The following PLOD2 variants were observed in gnomAD, a reference collection of about 807,000 sequenced individuals.
The protein encoded by PLOD2 is lysine hydroxylase 2.
In PLOD2, 65 loss-of-function variants were observed where a neutral mutation model predicts 101.0. That is an observed-to-expected ratio of 0.64 (90% confidence interval 0.53 to 0.79). The LOEUF is 0.79. PLOD2 is among the 30% of genes least tolerant of loss of function. The pLI is 0.00. For synonymous variants in PLOD2, 314 were observed against 302.9 expected (o/e 1.04, Z -0.38); for missense variants, 909 against 914.6 (o/e 0.99, Z 0.08).
intron 1 of PLOD2, among the ~76,000 whole-genome samples, chr3:146,156,250 G>T (rs1218543513): frequency 6.6e-6 from 1 of 152,160 alleles, no homozygotes; most frequent in Non-Finnish European, 1.5e-5. Context: ...CCTTCCCACA[G>T]AGCAGCAGAT....
intron 1 of PLOD2, among the ~76,000 whole-genome samples, chr3:146,155,317 C>T (rs950286212): frequency 1.8e-4 from 25 of 138,482 alleles, no homozygotes; most frequent in Non-Finnish European, 2.9e-4. Flanking sequence ...GAGTGAGACC[C>T]TGTCTATAAA....
intron 11 of PLOD2, among the ~76,000 whole-genome samples, chr3:146,083,742 C>T (rs139816619): frequency 0.024 from 3,648 of 151,838 alleles, 147 homozygotes; most frequent in African/African-American, 0.083. Context: ...CTACCACGCC[C>T]GGCTAATTTT....
chr3:146,152,977 G>A (rs1295643367), intron 1 of PLOD2, among the ~76,000 whole-genome samples: 2 of 152,158 alleles, frequency 1.3e-5, no homozygotes, highest in African/African-American at 2.4e-5. Context: ...AAGGAGGATT[G>A]TCCTTCTCTA....
rs2031984540 is a variant in PLOD2 at position 146,150,039 on chromosome 3, G to A, written c.109+10842C>T. 3.3e-5 allele frequency among the ~76,000 whole-genome samples: 5 copies of A among 152,170 alleles called. No homozygotes were observed. The South Asian group carries it at 1.0e-3, about 32-fold the overall frequency. On this transcript the variant is annotated intron_variant, in intron 1 of 19. Transcript: ENST00000282903. ...AGATGCAAACACATGTAGAACAAAT[G>A]CTGCTGTGACAATGACCTAGCAAGA...
In PLOD2 at chr3:146,085,276, A is replaced by T; in HGVS notation, c.1128-3T>A. On this transcript the variant is annotated splice_region_variant and splice_polypyrimidine_tract_variant and intron_variant, in intron 10 of 19. Transcript: ENST00000282903. ...TTTCATCCTGACGGCAAAAGTCCCT[A>T]ACAGTGAAAAAGAAAATGAAATGGG... is the stretch of plus-strand genomic sequence containing the variant. 6.8e-7 allele frequency: 1 copy of T among 1,476,804 alleles called. No individual in the cohort carries two copies. The highest frequency in any genetic ancestry group is 1.4e-5 in the African/African-American group (1 of 72,200). The allele number at this position is 1,476,804 out of a possible 1,614,324, so 91.5% of individuals were successfully genotyped here.
intron 15 of PLOD2, 143 bp from the exon 16 acceptor site, chr3:146,073,495 T>C: frequency 2.5e-6 from 1 of 402,204 alleles, no homozygotes; most frequent in Non-Finnish European, 4.7e-6. Flanking sequence ...AATCACAGTA[T>C]ATAGCCTAAT....
At chr3:146,096,883 G>GA (rs568468978) in intron 7 of PLOD2, among the ~76,000 whole-genome samples, 1 of 48,038 alleles carries the variant, frequency 2.1e-5, no homozygotes, top group African/African-American at 9.4e-5. Flanking sequence ...AGGGAGGTGG[G>GA]GGGGGGGAGT....
At chr3:146,082,736 C>G (rs954982614) in intron 11 of PLOD2, among the ~76,000 whole-genome samples, 6 of 151,718 alleles carry the variant, frequency 4.0e-5, no homozygotes, top group African/African-American at 1.5e-4. Context: ...ACTAATAATA[C>G]CAAAAAAAGT....
rs1225127491 is a variant in PLOD2 at position 146,086,736 on chromosome 3, AC to A, written c.1127+50del. On this transcript the variant is annotated intron_variant, in intron 10 of 19. Transcript: ENST00000282903. ...TAATTTAAAAGTTTATTTTTTCTTAACGTTTCCTTAGTAAAATAATTTAATT... is the reference window on the plus strand; with the variant it reads ...TAATTTAAAAGTTTATTTTTTCTTAAGTTTCCTTAGTAAAATAATTTAATT... 29 of 1,238,970 alleles carry A rather than the reference AC, an allele frequency of 2.3e-5. No individual in the cohort carries two copies. In the East Asian group the frequency reaches 7.6e-4, roughly 33 times the overall value. The allele number at this position is 1,238,970 out of a possible 1,614,324, so 76.7% of individuals were successfully genotyped here.
intron 14 of PLOD2, 188 bp downstream of exon 14, chr3:146,077,674 A>G (rs549976591): frequency 4.1e-6 from 2 of 485,826 alleles, no homozygotes; most frequent in East Asian, 3.2e-5. Context: ...CAAAGAACCA[A>G]GAGTTGACTA....
At chr3:146,155,915 G>A (rs927440637) in intron 1 of PLOD2, among the ~76,000 whole-genome samples, 1 of 152,046 alleles carries the variant, frequency 6.6e-6, no homozygotes, top group Non-Finnish European at 1.5e-5. Context: ...TGATAAACGT[G>A]CTAATTATTT....
At chr3:146,133,721 A>G (rs2031062581) in intron 1 of PLOD2, among the ~76,000 whole-genome samples, 1 of 152,214 alleles carries the variant, frequency 6.6e-6, no homozygotes, top group African/African-American at 2.4e-5. Flanking sequence ...TTCAAACAGC[A>G]AAGAATGATC....
At chr3:146,072,488 C>T in intron 17 of PLOD2, 73 bp downstream of exon 17, 1 of 929,208 alleles carries the variant, frequency 1.1e-6, no homozygotes, top group South Asian at 1.3e-5. Context: ...AAGTATATAA[C>T]CCCTCCGAAT....
chr3:146,157,081 T>C (rs982749583), intron 1 of PLOD2, among the ~76,000 whole-genome samples: 1 of 152,176 alleles, frequency 6.6e-6, no homozygotes, highest in Non-Finnish European at 1.5e-5. Flanking sequence ...TTAAATCATG[T>C]AGCATATGGG....
chr3:146,140,143 C>A (rs1166544819), intron 1 of PLOD2, among the ~76,000 whole-genome samples: 1 of 152,040 alleles, frequency 6.6e-6, no homozygotes, highest in African/African-American at 2.4e-5. Flanking sequence ...ACCCAGTGCA[C>A]TGGGTCAGGT....
intron 1 of PLOD2, among the ~76,000 whole-genome samples, chr3:146,159,373 G>A (rs904012841): frequency 1.2e-4 from 19 of 152,160 alleles, no homozygotes; most frequent in Non-Finnish European, 1.8e-4. Context: ...TAAATATAAA[G>A]GCAGATACAA....
At chr3:146,120,792 T>G (rs2030071690) in intron 3 of PLOD2, among the ~76,000 whole-genome samples, 1 of 152,128 alleles carries the variant, frequency 6.6e-6, no homozygotes, top group South Asian at 2.1e-4. Flanking sequence ...TGGCGCAATC[T>G]CGGCTCACTG....
rs1936871618 is a variant in PLOD2, at chr3:146,088,679, A to C, written c.912T>G (p.Ile304Met). The C allele has an allele frequency of 6.2e-7, 1 of 1,608,324 alleles. No individual in the cohort carries two copies. The highest frequency in any genetic ancestry group is 1.7e-5 in the Admixed American group (1 of 59,838). ...GAGGTAGAAAAGGGGTTGGTTGCTCAATAAAAACACCTATTGATACGTTTG... is the reference window on the plus strand; with the variant it reads ...GAGGTAGAAAAGGGGTTGGTTGCTCCATAAAAACACCTATTGATACGTTTG... ...VHPNVSIGVF[I>M]EQPTPFLPRF... Residue 304 changes from isoleucine to methionine, a missense_variant, in exon 9 of 20, where the codon ATT becomes ATG. Coordinates refer to ENST00000282903, the MANE Select transcript of PLOD2 (RefSeq NM_182943.3).
intron 15 of PLOD2, among the ~76,000 whole-genome samples, chr3:146,073,946 G>T (rs1392026614): frequency 6.6e-6 from 1 of 151,390 alleles, no homozygotes; most frequent in Non-Finnish European, 1.5e-5. Context: ...TAAAATTTCT[G>T]CCTTCACTTC....
Sources: gnomAD v4.1 joint callset for allele counts (sites outside exome capture counted in the v4.1 genomes callset) on GRCh38, gnomAD v4.1.1 for gene constraint, MANE v1.5 for transcripts, NCBI Gene and HGNC (gene_info 2026-07-23, HGNC 2026-07-21) for gene names.